TMEM267: variants seen among roughly 807,000 people sequenced by gnomAD.
TMEM267 encodes the protein transmembrane protein 267.
In TMEM267, 20 loss-of-function variants were observed where a neutral mutation model predicts 19.3. The ratio of observed to expected loss-of-function variants is 1.04; its 90% CI spans 0.73 to 1.51. TMEM267 has a LOEUF of 1.51. Ranked by LOEUF, TMEM267 falls within the 40% of genes most tolerant of loss-of-function variation. The pLI is 0.00. For missense variants in TMEM267, 242 were observed against 261.9 expected, an observed-to-expected ratio of 0.92 and a Z score of 0.52; for synonymous variants, 88 against 90.3, an observed-to-expected ratio of 0.97 and a Z score of 0.15.
At chr5:43,453,187 G>A (rs1342382103) in intron 2 of TMEM267, among the ~76,000 whole-genome samples, 1 of 152,152 alleles carries the variant, frequency 6.6e-6, no homozygotes, top group Non-Finnish European at 1.5e-5. Flanking sequence ...CCTTAGGACT[G>A]GGAATCATCT....
At chr5:43,480,008 A>G (rs1217718460) in intron 1 of TMEM267, 6 of 328,820 alleles carry the variant, frequency 1.8e-5, no homozygotes, top group Non-Finnish European at 2.9e-5. Context: ...AAAGAAGTCA[A>G]CATATTTAAA....
rs1459546837 is a variant in TMEM267, at chr5:43,473,579, A to G, written c.-75+10243T>C. Among the ~76,000 whole-genome samples, 4 of 152,234 alleles carry G rather than the reference A, an allele frequency of 2.6e-5. No homozygotes were observed. The East Asian group carries it at 7.7e-4, about 29-fold the overall frequency. On this transcript the variant is annotated intron_variant, in intron 1 of 2. Transcript: ENST00000397080. ...ATGAAGGACCTCTTCAAGGAGAGCT[A>G]CAAACCACTCACTGATCAAGGAAAT...
In TMEM267 at chr5:43,467,510, T is replaced by C. The variant is rs568700109; in HGVS notation, c.-74-13467A>G. Among the ~76,000 whole-genome samples, 3 of 152,288 alleles carry C rather than the reference T, an allele frequency of 2.0e-5. No individual in the cohort carries two copies. In the South Asian group the frequency reaches 6.2e-4, roughly 32 times the overall value. On this transcript the variant is annotated intron_variant, in intron 1 of 2. Transcript: ENST00000397080. ...CAAGGTCACTGTATAATGACAAAGATGTAATTTCAGTAAGAGGATATAACA... is the reference window on the plus strand; with the variant it reads ...CAAGGTCACTGTATAATGACAAAGACGTAATTTCAGTAAGAGGATATAACA...
chr5:43,452,975 G>C (rs1055185304), intron 2 of TMEM267, among the ~76,000 whole-genome samples: 5 of 152,072 alleles, frequency 3.3e-5, no homozygotes, highest in Non-Finnish European at 7.4e-5. Context: ...GTAAAATATA[G>C]GCAAATCTTC....
chr5:43,477,310 C>A (rs1201482034), intron 1 of TMEM267, among the ~76,000 whole-genome samples: 5 of 151,982 alleles, frequency 3.3e-5, no homozygotes, highest in African/African-American at 1.2e-4. Context: ...AGACACAGGC[C>A]GGGGGCGGTG....
At chr5:43,453,636 A>T (rs1742744146) in intron 2 of TMEM267, 22 bp downstream of exon 2, 1 of 1,593,492 alleles carries the variant, frequency 6.3e-7, no homozygotes, top group East Asian at 2.2e-5. Flanking sequence ...AAGATCAGAA[A>T]AATTAAGCCT....
intron 2 of TMEM267, among the ~76,000 whole-genome samples, chr5:43,451,752 C>G (rs1742603139): frequency 6.6e-6 from 1 of 152,068 alleles, no homozygotes; most frequent in African/African-American, 2.4e-5. Context: ...TACTGAATAG[C>G]TTCTAAAAGG....
intron 1 of TMEM267, among the ~76,000 whole-genome samples, chr5:43,471,237 G>A (rs1332489468): frequency 6.6e-6 from 1 of 151,928 alleles, no homozygotes; most frequent in Non-Finnish European, 1.5e-5. Flanking sequence ...AACCAAAGAA[G>A]TGAAAGATTT....
At chr5:43,447,267 T>G (rs1262964351) in intron 2 of TMEM267, among the ~76,000 whole-genome samples, 1 of 152,060 alleles carries the variant, frequency 6.6e-6, no homozygotes, top group Admixed American at 6.6e-5. Flanking sequence ...TTTTTGTATT[T>G]TTAGTAGAGA....
chr5:43,484,340 AG>A (rs1744996395), upstream of TMEM267: 1 of 152,246 alleles, frequency 6.6e-6, no homozygotes. Flanking sequence ...CGAAGCCCTC[AG>A]GGTGGGCAAC....
intron 1 of TMEM267, among the ~76,000 whole-genome samples, chr5:43,477,645 C>T (rs889344566): frequency 7.9e-5 from 12 of 152,036 alleles, no homozygotes; most frequent in African/African-American, 2.9e-4. Context: ...TGAAGATCTC[C>T]CTGCCACCAA....
chr5:43,447,069 A>G (rs1420297510), intron 2 of TMEM267, among the ~76,000 whole-genome samples: 1 of 151,998 alleles, frequency 6.6e-6, no homozygotes. Context: ...GTATTCTAAA[A>G]TTGAGTTAAA....
chr5:43,483,731 C>G (rs1269835771), intron 1 of TMEM267, 91 bp downstream of exon 1: 1 of 152,412 alleles, frequency 6.6e-6, no homozygotes, highest in Non-Finnish European at 1.5e-5. Context: ...CAGTGGTCCC[C>G]CACCTCCGGT....
chr5:43,474,703 G>A (rs1467604164), intron 1 of TMEM267, among the ~76,000 whole-genome samples: 2 of 147,890 alleles, frequency 1.4e-5, no homozygotes, highest in African/African-American at 5.0e-5. Flanking sequence ...AGGTTGTGGT[G>A]AGCCAAGATC....
At chr5:43,454,192 A>G (rs1742794130) in intron 1 of TMEM267, 149 bp from the exon 2 acceptor site, 1 of 451,512 alleles carries the variant, frequency 2.2e-6, no homozygotes, top group East Asian at 3.8e-5. Flanking sequence ...TATGTCACAT[A>G]GCCCAAGGAG....
intron 2 of TMEM267, among the ~76,000 whole-genome samples, chr5:43,449,085 A>G (rs1742427620): frequency 6.6e-6 from 1 of 151,958 alleles, no homozygotes; most frequent in Non-Finnish European, 1.5e-5. Context: ...GGTCAAATGA[A>G]AGTTTAATAA....
intron 2 of TMEM267, among the ~76,000 whole-genome samples, chr5:43,451,280 C>T (rs1742569811): frequency 6.6e-6 from 1 of 152,072 alleles, no homozygotes; most frequent in Admixed American, 6.6e-5. Context: ...AACTAAAGAG[C>T]TTCTGCACAG....
upstream of TMEM267, chr5:43,483,990 T>C (rs1744977509): frequency 6.6e-6 from 1 of 152,114 alleles, no homozygotes; most frequent in African/African-American, 2.4e-5. Context: ...GACGCATGAG[T>C]TGTTTGGTGC....
intron 1 of TMEM267, among the ~76,000 whole-genome samples, chr5:43,473,139 C>CA (rs71610311): frequency 0.099 from 8,342 of 84,600 alleles, 554 homozygotes; most frequent in Admixed American, 0.14. Context: ...CTCCGTGTCA[C>CA]AAAAAAAAAA....
Sources: gnomAD v4.1 joint callset for allele counts (sites outside exome capture counted in the v4.1 genomes callset) on GRCh38, gnomAD v4.1.1 for gene constraint, MANE v1.5 for transcripts, NCBI Gene and HGNC (gene_info 2026-07-23, HGNC 2026-07-21) for gene names.